Variants in SORBS2 observed in about 807,000 individuals in gnomAD.
The protein encoded by SORBS2 is sorbin and SH3 domain-containing protein 2.
Under a neutral mutation model 97.7 loss-of-function variants are expected in SORBS2, and 46 were observed. That is an observed-to-expected ratio of 0.47 (90% CI 0.37 to 0.60). The LOEUF is 0.60. Ranked by LOEUF, SORBS2 falls within the 20% of genes least tolerant of loss-of-function variation. The pLI, the probability that SORBS2 is intolerant of heterozygous loss-of-function variation, is 0.00. For synonymous variants in SORBS2, 476 were observed against 473.4 expected (o/e 1.01, Z -0.07); for missense variants, 1,316 against 1,282.3 (o/e 1.03, Z -0.40).
intron 1 of SORBS2, among the ~76,000 whole-genome samples, chr4:185,853,471 C>T (rs1053835399): frequency 2.0e-5 from 3 of 152,128 alleles, no homozygotes; most frequent in Non-Finnish European, 2.9e-5. Context: ...TAGCTATTCA[C>T]ACGGGGGCCA....
chr4:185,648,416 G>A (rs1157975948), intron 3 of SORBS2, among the ~76,000 whole-genome samples: 3 of 151,804 alleles, frequency 2.0e-5, no homozygotes, highest in African/African-American at 7.3e-5. Flanking sequence ...GAACCCGGGA[G>A]TCGGAGGTTG....
chr4:185,624,164 C>T, exon 7 of SORBS2: 1 of 1,614,234 alleles, frequency 6.2e-7, no homozygotes, highest in Non-Finnish European at 8.5e-7. Context: ...CGCCATGGGG[C>T]AGCTCTCCTT....
At chr4:185,903,715 A>G (rs921337271) in intron 1 of SORBS2, among the ~76,000 whole-genome samples, 3 of 152,206 alleles carry the variant, frequency 2.0e-5, no homozygotes, top group African/African-American at 7.2e-5. Flanking sequence ...GGAATGGCCT[A>G]TGTGGGTAGC....
intron 2 of SORBS2, among the ~76,000 whole-genome samples, chr4:185,725,530 G>A (rs908617306): frequency 3.9e-5 from 6 of 152,124 alleles, no homozygotes; most frequent in Non-Finnish European, 7.4e-5. Flanking sequence ...TGGGAGTAAC[G>A]ACTTTGTGTG....
At chr4:185,721,364 C>T (rs2098513306) in intron 2 of SORBS2, among the ~76,000 whole-genome samples, 1 of 152,180 alleles carries the variant, frequency 6.6e-6, no homozygotes, top group African/African-American at 2.4e-5. Flanking sequence ...CGTGAGCCAG[C>T]ATACCCGGTC....
intron 1 of SORBS2, among the ~76,000 whole-genome samples, chr4:185,870,672 G>A (rs550483533): frequency 5.9e-5 from 9 of 152,344 alleles, no homozygotes; most frequent in African/African-American, 2.2e-4. Flanking sequence ...CAGTGAGTGC[G>A]CAGGTCGTGA....
rs2149892549 is a variant in SORBS2 at position 185,914,184 on chromosome 4, A to G, written c.-338+42012T>C. Among the ~76,000 whole-genome samples, 2 of 152,344 alleles carry G rather than the reference A, an allele frequency of 1.3e-5. 1 individual carries two copies. The highest frequency in any genetic ancestry group is 4.1e-4 in the South Asian group (2 of 4,832). Reference sequence around the variant, plus strand: ...ATGTTGCCACAACCATCTATAAACAAACTCAAAAACTGAAAAATAGAAAAC... The same window carrying G: ...ATGTTGCCACAACCATCTATAAACAGACTCAAAAACTGAAAAATAGAAAAC... On this transcript the variant is annotated intron_variant, in intron 1 of 20. Coordinates refer to the SORBS2 transcript ENST00000284776.
chr4:185,824,628 G>A (rs566781532), intron 1 of SORBS2, among the ~76,000 whole-genome samples: 2 of 152,138 alleles, frequency 1.3e-5, no homozygotes, highest in African/African-American at 2.4e-5. Context: ...TTCATACATC[G>A]AGGAATTCCC....
Position 185,941,024 on chromosome 4 carries a change from G to T in SORBS2, c.-338+15172C>A, listed in dbSNP as rs187712223. 2.0e-5 allele frequency among the ~76,000 whole-genome samples: 3 copies of T among 152,182 alleles called. 1 individual carries two copies. The highest frequency in any genetic ancestry group is 2.0e-4 in the Admixed American group (3 of 15,294). On this transcript the variant is annotated intron_variant, in intron 1 of 20. Transcript: ENST00000284776. ...GCACTGGACAGCTGCCCACATAAAA[G>T]AATTATCAGGGTCCCACAAATGTCA...
intron 12 of SORBS2, among the ~76,000 whole-genome samples, chr4:185,598,436 T>G (rs988840967): frequency 3.9e-5 from 6 of 152,212 alleles, no homozygotes; most frequent in African/African-American, 1.4e-4. Context: ...GAAGCTGGTT[T>G]GAAACATCAT....
rs548177693 is a variant in SORBS2, at chr4:185,795,751, T to C, written c.-337-20385A>G. Among the ~76,000 whole-genome samples the C allele has an allele frequency of 7.2e-5, 11 of 152,340 alleles. No homozygotes were observed. In the South Asian group the frequency reaches 2.3e-3, roughly 32 times the overall value. ...TCTTTGCTGCTCAATATATTTCTATTGGTCTAGACATTTTTTTTAAAACCA... is the reference window on the plus strand; with the variant it reads ...TCTTTGCTGCTCAATATATTTCTATCGGTCTAGACATTTTTTTTAAAACCA... On this transcript the variant is annotated intron_variant, in intron 1 of 20. Transcript: ENST00000284776.
intron 2 of SORBS2, among the ~76,000 whole-genome samples, chr4:185,689,137 AAC>A (rs2098039823): frequency 6.6e-6 from 1 of 152,244 alleles, no homozygotes. Flanking sequence ...ACTGCCCATC[AAC>A]ACAGCATATT....
rs147996125 is a variant in SORBS2, at chr4:185,724,550, A to G, written c.-197-45728T>C. ...CCTACCTCTCTTCACTGTCATTTAT[A>G]TTGTTGCCTGAGGACTCTTCCTAAT... On this transcript the variant is annotated intron_variant, in intron 2 of 20. Coordinates refer to the SORBS2 transcript ENST00000284776. Among the ~76,000 whole-genome samples, 242 of 152,208 alleles carry G rather than the reference A, an allele frequency of 1.6e-3. 1 individual carries two copies. Among genetic ancestry groups the G allele is most frequent in the African/African-American group, 5.7e-3 (235 of 41,524 alleles).
intron 2 of SORBS2, among the ~76,000 whole-genome samples, chr4:185,744,799 G>A (rs2098749862): frequency 6.6e-6 from 1 of 152,252 alleles, no homozygotes; most frequent in Admixed American, 6.5e-5. Context: ...AGACCAGAAT[G>A]TGAAAACCTG....
chr4:185,900,741 T>A (rs7672190), intron 1 of SORBS2, among the ~76,000 whole-genome samples: 110,136 of 151,532 alleles, frequency 0.73, 40,041 homozygotes, highest in Middle Eastern at 0.85. Flanking sequence ...CTTTGTGTAT[T>A]TGTACGTATG....
chr4:185,844,666 C>T (rs555473578), intron 1 of SORBS2, among the ~76,000 whole-genome samples: 13 of 152,256 alleles, frequency 8.5e-5, no homozygotes, highest in East Asian at 1.9e-4. Context: ...ATGCTCACAG[C>T]GGCATTATTT....
chr4:185,699,614 A>G (rs538700624), intron 2 of SORBS2, among the ~76,000 whole-genome samples: 2 of 152,246 alleles, frequency 1.3e-5, no homozygotes, highest in East Asian at 3.9e-4. Flanking sequence ...GTACATCTTA[A>G]GGCAGTTTGA....
chr4:185,889,358 A>AT lies in SORBS2; in HGVS notation c.-338+66837dup, dbSNP rs60646778. On this transcript the variant is annotated intron_variant, in intron 1 of 20. Coordinates refer to the SORBS2 transcript ENST00000284776. ...ACCCTACTTGATTTTTTCCACAGTC[A>AT]TTTTTTTTTTTAAGACTGCTTCCGA... 1.5e-3 allele frequency among the ~76,000 whole-genome samples: 214 copies of AT among 147,264 alleles called. 1 individual carries two copies. The highest frequency in any genetic ancestry group is 2.6e-3 in the South Asian group (12 of 4,628).
chr4:185,749,284 T>C (rs2098784994), intron 2 of SORBS2, among the ~76,000 whole-genome samples: 1 of 152,178 alleles, frequency 6.6e-6, no homozygotes, highest in Non-Finnish European at 1.5e-5. Context: ...CCTGAGGTTG[T>C]TGCCAAGAGC....
Sources: allele counts gnomAD v4.1 joint callset (sites outside exome capture counted in the v4.1 genomes callset), GRCh38; gene constraint gnomAD v4.1.1; transcripts MANE v1.5; gene names NCBI Gene and HGNC (gene_info 2026-07-23, HGNC 2026-07-21).